The following DUSP12 variants were observed in gnomAD, a reference collection of about 807,000 sequenced individuals.
DUSP12 encodes dual specificity phosphatase 12.
A neutral mutation model predicts 38.9 loss-of-function variants in DUSP12; 25 were observed. The observed-to-expected ratio is 0.64, with a 90% CI of 0.47 to 0.90. DUSP12 has a LOEUF of 0.90. Ranked by LOEUF, DUSP12 falls within the 40% of genes least tolerant of loss-of-function variation. The probability of loss-of-function intolerance (pLI) is 0.00; values close to 1 mark genes in which losing one functional copy is unlikely to be tolerated. For missense variants in DUSP12, 403 were observed against 427.0 expected, an observed-to-expected ratio of 0.94 and a Z score of 0.50; for synonymous variants, 153 against 153.9, an observed-to-expected ratio of 0.99 and a Z score of 0.05.
At chr1:161,751,487 A>G (rs1684017548) in intron 1 of DUSP12, 181 bp from the exon 2 acceptor site, 4 of 727,820 alleles carry the variant, frequency 5.5e-6, no homozygotes, top group African/African-American at 1.8e-5. Context: ...GTGGTTCAGA[A>G]TTCAAAAGGA....
chr1:161,750,397 A>G (rs1384615761), intron 1 of DUSP12, among the ~76,000 whole-genome samples: 1 of 152,254 alleles, frequency 6.6e-6, no homozygotes, highest in African/African-American at 2.4e-5. Context: ...GGGAGGTGTC[A>G]TCTGATAAAT....
At chr1:161,755,542 A>G (rs944313441) in intron 5 of DUSP12, among the ~76,000 whole-genome samples, 1 of 152,202 alleles carries the variant, frequency 6.6e-6, no homozygotes, top group Non-Finnish European at 1.5e-5. Flanking sequence ...TCTGTGGGGT[A>G]AAAAATGTTA....
chr1:161,753,148 A>C lies in DUSP12; in HGVS notation c.748A>C (p.Arg250=), dbSNP rs761883774. 1 of 1,614,120 alleles carries C rather than the reference A, an allele frequency of 6.2e-7. No individual in the cohort carries two copies. The highest frequency in any genetic ancestry group is 8.5e-7 in the Non-Finnish European group (1 of 1,179,988). Residue 250 remains arginine, a synonymous_variant, in exon 5 of 6, where the codon AGA becomes CGA. Coordinates refer to ENST00000367943, the MANE Select transcript of DUSP12 (RefSeq NM_007240.3). ...GSGPIAFAHK[R]MTPSSMLTTG... ...TGGACCTATAGCCTTTGCCCACAAG[A>C]GAATGACACCATCTTCCATGCTTAC...
chr1:161,751,196 T>A, intron 1 of DUSP12: 1 of 156,100 alleles, frequency 6.4e-6, no homozygotes, highest in East Asian at 1.9e-4. Context: ...AGTCTCAACC[T>A]CCCAGGCTCA....
intron 1 of DUSP12, 54 bp from the exon 2 acceptor site, chr1:161,751,612 GTT>G (rs762979946): frequency 4.9e-6 from 6 of 1,213,912 alleles, no homozygotes; most frequent in South Asian, 1.6e-5. Flanking sequence ...GGCTTTGTGT[GTT>G]TTTTTTTTTA....
At chr1:161,750,260 T>TCCTCCCGCTGCCTCCCGCTG (rs746839314) in intron 1 of DUSP12, 115 bp downstream of exon 1, 1 of 1,146,360 alleles carries the variant, frequency 8.7e-7, no homozygotes, top group Non-Finnish European at 1.2e-6. Context: ...CGCGTGAACC[T>TCCTCCCGCTGCCTCCCGCTG]CCTCCCGCTG....
chr1:161,757,025 G>A lies in DUSP12; in HGVS notation c.*78G>A. The A allele has an allele frequency of 5.1e-6, 7 of 1,374,194 alleles. No individual in the cohort carries two copies. Among genetic ancestry groups the A allele is most frequent in the Non-Finnish European group, 5.9e-6 (6 of 1,013,632 alleles). 85.1% of individuals were successfully genotyped at this position (1,374,194 alleles called of 1,614,324 possible). On this transcript the variant is annotated 3_prime_UTR_variant, in exon 6 of 6. Transcript: ENST00000367943. ...TGCTTCTTATCATTCATGGCAGATT[G>A]TTTGTGCTTTCAACATTTCATTTGA...
At chr1:161,750,410 CAA>C (rs996117572) in intron 1 of DUSP12, among the ~76,000 whole-genome samples, 7 of 152,218 alleles carry the variant, frequency 4.6e-5, no homozygotes, top group African/African-American at 1.4e-4. Context: ...TGATAAATGA[CAA>C]ATTACCTACA....
rs755841389 is a variant in DUSP12, at chr1:161,752,004, G to A, written c.577+20G>A. ...ATCCAGGTAAGTAATAATTGCTAGT[G>A]TGTAATGGGCTTTCTAGATGACATT... On this transcript the variant is annotated intron_variant, in intron 3 of 5. Coordinates refer to ENST00000367943, the MANE Select transcript of DUSP12 (RefSeq NM_007240.3). The A allele has an allele frequency of 2.0e-6, 3 of 1,483,410 alleles. No individual in the cohort carries two copies. The South Asian group carries it at 3.5e-5, about 17-fold the overall frequency. The allele number at this position is 1,483,410 out of a possible 1,614,324, so 91.9% of individuals were successfully genotyped here.
chr1:161,754,768 G>T (rs887688677), intron 5 of DUSP12, among the ~76,000 whole-genome samples: 7 of 152,282 alleles, frequency 4.6e-5, no homozygotes, highest in Middle Eastern at 3.4e-3. Flanking sequence ...TACAATTTGA[G>T]ATGAGATTTG....
intron 1 of DUSP12, 58 bp downstream of exon 1, chr1:161,750,203 G>T: frequency 1.3e-6 from 2 of 1,549,414 alleles, no homozygotes; most frequent in Non-Finnish European, 1.7e-6. Flanking sequence ...GGCCCCCGTC[G>T]CCCCTTACCT....
intron 1 of DUSP12, chr1:161,751,460 A>G (rs568429585): frequency 1.3e-4 from 70 of 533,556 alleles, no homozygotes; most frequent in African/African-American, 4.1e-4. Context: ...TTATTTTTGA[A>G]TAGGTAATAG....
At chr1:161,753,024 T>A in intron 4 of DUSP12, 51 bp from the exon 5 acceptor site, 1 of 1,504,500 alleles carries the variant, frequency 6.6e-7, no homozygotes, top group Non-Finnish European at 9.0e-7. Flanking sequence ...TTCATCCATG[T>A]TTTCATCCTT....
chr1:161,750,764 A>G (rs932657049), intron 1 of DUSP12, among the ~76,000 whole-genome samples: 1 of 152,134 alleles, frequency 6.6e-6, no homozygotes, highest in African/African-American at 2.4e-5. Context: ...GGTGAAACCA[A>G]AAATACAAAA....
chr1:161,752,116 C>G, intron 3 of DUSP12, 132 bp downstream of exon 3: 1 of 769,260 alleles, frequency 1.3e-6, no homozygotes, highest in Non-Finnish European at 2.1e-6. Context: ...CCAGAAATAA[C>G]CTATTCAAAA....
chr1:161,751,291 C>CA (rs1450723730), intron 1 of DUSP12: 1 of 164,922 alleles, frequency 6.1e-6, no homozygotes, highest in Non-Finnish European at 1.3e-5. Context: ...GGTGGGGTCT[C>CA]ACTTTGTTGC....
At chr1:161,756,483 C>A (rs950111302) in intron 5 of DUSP12, among the ~76,000 whole-genome samples, 26 of 124,730 alleles carry the variant, frequency 2.1e-4, no homozygotes, top group South Asian at 5.7e-4. Context: ...GATTTAAAAG[C>A]TATATATATA....
chr1:161,754,800 C>T (rs772054994), intron 5 of DUSP12, among the ~76,000 whole-genome samples: 11 of 152,116 alleles, frequency 7.2e-5, no homozygotes, highest in Admixed American at 3.9e-4. Flanking sequence ...AGAACCAAAC[C>T]GTATCACATC....
chr1:161,754,704 TG>T (rs1284705409), intron 5 of DUSP12, among the ~76,000 whole-genome samples: 1 of 152,206 alleles, frequency 6.6e-6, no homozygotes, highest in East Asian at 1.9e-4. Flanking sequence ...GAGAACAGCA[TG>T]GGGGTATCTG....
Sources: allele counts gnomAD v4.1 joint callset (sites outside exome capture counted in the v4.1 genomes callset), GRCh38; gene constraint gnomAD v4.1.1; transcripts MANE v1.5; gene names NCBI Gene and HGNC (gene_info 2026-07-23, HGNC 2026-07-21).